Variants in ADGRL3 observed in about 807,000 individuals in gnomAD.
ADGRL3 encodes the protein calcium-independent alpha-latrotoxin receptor 3.
A neutral mutation model predicts 153.5 loss-of-function variants in ADGRL3; 62 were observed. The ratio of observed to expected loss-of-function variants is 0.40; its 90% confidence interval spans 0.33 to 0.50. ADGRL3 has a LOEUF of 0.50. ADGRL3 is among the 20% of genes least tolerant of loss of function. The pLI is 0.47. For synonymous variants in ADGRL3, 710 were observed against 672.5 expected (o/e 1.06, Z -0.86); for missense variants, 1,641 against 1,859.4 (o/e 0.88, Z 2.16).
intron 2 of ADGRL3, among the ~76,000 whole-genome samples, chr4:61,450,813 C>T (rs558167402): frequency 6.6e-6 from 1 of 151,872 alleles, no homozygotes; most frequent in East Asian, 1.9e-4. Context: ...ATTTGAGAAC[C>T]ACGTGAAAAA....
At chr4:61,392,547 A>AGC in intron 2 of ADGRL3, among the ~76,000 whole-genome samples, 1 of 151,610 alleles carries the variant, frequency 6.6e-6, no homozygotes, top group South Asian at 2.1e-4. Context: ...CTAGCTGGGC[A>AGC]TGGTGGCTTG....
chr4:61,828,741 C>T (rs1261981211), intron 9 of ADGRL3, among the ~76,000 whole-genome samples: 1 of 152,070 alleles, frequency 6.6e-6, no homozygotes, highest in East Asian at 1.9e-4. Flanking sequence ...TTGCCATTTC[C>T]CACCTGGCAT....
At chr4:61,333,956 C>T (rs2095626089) in intron 1 of ADGRL3, among the ~76,000 whole-genome samples, 2 of 151,078 alleles carry the variant, frequency 1.3e-5, no homozygotes, top group Non-Finnish European at 2.9e-5. Flanking sequence ...CTTTCTGCCA[C>T]CCAGGCTGAA....
intron 1 of ADGRL3, among the ~76,000 whole-genome samples, chr4:61,255,388 T>G (rs904637288): frequency 9.9e-5 from 15 of 152,192 alleles, no homozygotes; most frequent in Non-Finnish European, 1.5e-5. Flanking sequence ...GTAAAATTTT[T>G]TTTTCTTCTC....
At chr4:61,209,484 C>T (rs574952485) in intron 1 of ADGRL3, among the ~76,000 whole-genome samples, 46 of 152,154 alleles carry the variant, frequency 3.0e-4, no homozygotes, top group Non-Finnish European at 5.1e-4. Context: ...ATTAAGAAAA[C>T]GTAGCTAAAT....
At chr4:61,849,239 T>G in intron 9 of ADGRL3, among the ~76,000 whole-genome samples, 1 of 152,120 alleles carries the variant, frequency 6.6e-6, no homozygotes, top group East Asian at 1.9e-4. Context: ...AATGTCACTT[T>G]CTTTTATTAG....
At chr4:61,286,929 T>A (rs1416099347) in intron 1 of ADGRL3, among the ~76,000 whole-genome samples, 1 of 151,762 alleles carries the variant, frequency 6.6e-6, no homozygotes, top group East Asian at 1.9e-4. Flanking sequence ...TTTTTAAATT[T>A]TTGGTTATCA....
intron 1 of ADGRL3, among the ~76,000 whole-genome samples, chr4:61,227,032 A>AATAATC (rs1553881729): frequency 6.6e-6 from 1 of 152,104 alleles, no homozygotes; most frequent in African/African-American, 2.4e-5. Flanking sequence ...TTTATATCTA[A>AATAATC]ATGAAATCTT....
chr4:61,821,042 A>G (rs1165923660), intron 9 of ADGRL3, among the ~76,000 whole-genome samples: 1 of 151,986 alleles, frequency 6.6e-6, no homozygotes, highest in East Asian at 1.9e-4. Flanking sequence ...TTCAGTTGAG[A>G]CTTTGTTGTT....
intron 1 of ADGRL3, among the ~76,000 whole-genome samples, chr4:61,205,653 T>C (rs1461201927): frequency 6.6e-6 from 1 of 152,240 alleles, no homozygotes; most frequent in Admixed American, 6.5e-5. Flanking sequence ...ACCAATTTTA[T>C]AATTAAATAA....
In ADGRL3 at chr4:61,522,578, CATTTGTTGGT is replaced by C. The variant is rs2098537719; in HGVS notation, c.259+5061_259+5070del. 3.9e-5 allele frequency among the ~76,000 whole-genome samples: 6 copies of C among 152,194 alleles called. No individual in the cohort carries two copies. In the East Asian group the frequency reaches 1.2e-3, roughly 29 times the overall value. On this transcript the variant is annotated intron_variant, in intron 4 of 26. Transcript: ENST00000683033. ...GAGCAGGAAAAGGGTGGCAAAACCT[CATTTGTTGGT>C]TTGCTTGTAACACCATGATTTGAGA...
intron 4 of ADGRL3, among the ~76,000 whole-genome samples, chr4:61,548,363 T>TGCAC (rs112963207): frequency 0.22 from 32,942 of 151,886 alleles, 3,707 homozygotes; most frequent in Admixed American, 0.26. Flanking sequence ...CCAGGGCCTG[T>TGCAC]GTCCGCAATG....
intron 1 of ADGRL3, among the ~76,000 whole-genome samples, chr4:61,248,378 C>T (rs1005838253): frequency 6.6e-6 from 1 of 152,084 alleles, no homozygotes; most frequent in Non-Finnish European, 1.5e-5. Flanking sequence ...ACTTACTAAG[C>T]AACTCATCAG....
chr4:61,828,452 A>C (rs1200979804), intron 9 of ADGRL3, among the ~76,000 whole-genome samples: 9 of 152,202 alleles, frequency 5.9e-5, no homozygotes, highest in African/African-American at 2.2e-4. Context: ...AGGGGCAAAC[A>C]TTTAAATTTT....
At chr4:61,502,385 T>G (rs1047541846) in intron 3 of ADGRL3, among the ~76,000 whole-genome samples, 3 of 152,058 alleles carry the variant, frequency 2.0e-5, no homozygotes, top group Non-Finnish European at 4.4e-5. Flanking sequence ...TCACTGGCAC[T>G]TAAACTAGGA....
intron 5 of ADGRL3, among the ~76,000 whole-genome samples, chr4:61,607,336 C>A: frequency 6.6e-6 from 1 of 152,140 alleles, no homozygotes; most frequent in Non-Finnish European, 1.5e-5. Flanking sequence ...CAGTGGCTCA[C>A]ACCTGTAATC....
rs185984071 is a variant in ADGRL3 at position 61,853,610 on chromosome 4, G to A, written c.1481-39046G>A. On this transcript the variant is annotated intron_variant, in intron 9 of 26. Transcript: ENST00000683033. ...AGTTATGTTGAAGAACATTTCCCCC[G>A]TAGAGACACTAAAGAAGCCTGCTTG... is the stretch of plus-strand genomic sequence containing the variant. Among the ~76,000 whole-genome samples the A allele has an allele frequency of 1.2e-4, 19 of 152,232 alleles. No homozygotes were observed. In the East Asian group the frequency reaches 2.5e-3, roughly 20 times the overall value.
Position 61,516,354 on chromosome 4 carries a change from T to TTA in ADGRL3, c.56-958_56-957dup, listed in dbSNP as rs2098495061. ...ATTAATGTGTTTTTATACATGCATG[T>TTA]TATAACCTGTTAAAAAATACTTGTG... is the stretch of plus-strand genomic sequence containing the variant. On this transcript the variant is annotated intron_variant, in intron 3 of 26. Transcript: ENST00000683033. Among the ~76,000 whole-genome samples the TTA allele has an allele frequency of 2.1e-5, 2 of 95,830 alleles. 1 individual carries two copies. Among genetic ancestry groups the TTA allele is most frequent in the African/African-American group, 8.9e-5 (2 of 22,566 alleles). 62.9% of individuals were successfully genotyped at this position (95,830 alleles called of 152,430 possible).
At chr4:61,548,357 G>A (rs2098723838) in intron 4 of ADGRL3, among the ~76,000 whole-genome samples, 1 of 142,302 alleles carries the variant, frequency 7.0e-6, no homozygotes, top group Non-Finnish European at 1.6e-5. Context: ...TCTTTGCCAG[G>A]GCCTGTGTCC....
Sources: allele counts gnomAD v4.1 joint callset (sites outside exome capture counted in the v4.1 genomes callset), GRCh38; gene constraint gnomAD v4.1.1; transcripts MANE v1.5; gene names NCBI Gene and HGNC (gene_info 2026-07-23, HGNC 2026-07-21).